Variants in NLRP12 observed in about 807,000 individuals in gnomAD.
The protein encoded by NLRP12 is NACHT, LRR and PYD domains-containing protein 12.
Under a neutral mutation model 91.2 loss-of-function variants are expected in NLRP12, and 108 were observed. The observed-to-expected ratio is 1.18, with a 90% CI of 1.01 to 1.39. The LOEUF (loss-of-function observed/expected upper bound fraction) is 1.39. NLRP12 is among the 40% of genes most tolerant of loss of function. The pLI, the probability that NLRP12 is intolerant of heterozygous loss-of-function variation, is 0.00. For missense variants in NLRP12, 1,530 were observed against 1,352.7 expected (o/e 1.13, Z -2.06); for synonymous variants, 613 against 566.7 (o/e 1.08, Z -1.16).
At chr19:53,806,880 TAAAA>T (rs912617354) in intron 4 of NLRP12, among the ~76,000 whole-genome samples, 6 of 129,560 alleles carry the variant, frequency 4.6e-5, no homozygotes, top group East Asian at 4.7e-4. Flanking sequence ...AAAAAAAAAG[TAAAA>T]AAAAGAAAAA....
rs1288904221 is a variant in NLRP12, at chr19:53,795,099, GGTGTGTGCGTGTGTGTGTGTGT to G, written c.3098+738_3098+759del. Among the ~76,000 whole-genome samples, 540 of 133,510 alleles carry G rather than the reference GGTGTGTGCGTGTGTGTGTGTGT, an allele frequency of 4.0e-3. 3 individuals carry two copies. Among genetic ancestry groups the G allele is most frequent in the Admixed American group, 5.6e-3 (71 of 12,770 alleles). The allele number at this position is 133,510 out of a possible 152,430, so 87.6% of individuals were successfully genotyped here. A position where few individuals can be genotyped will look rare whatever the true frequency, so the allele number is the denominator to read the frequency against. ...ATTAGAGGTGTGTGCCACCATACCTGGTGTGTGCGTGTGTGTGTGTGTGTGTGTGTGTGTGTGTAAAGAAAGC... is the reference window on the plus strand; with the variant it reads ...ATTAGAGGTGTGTGCCACCATACCTGGTGTGTGTGTGTGTGTAAAGAAAGC... On this transcript the variant is annotated intron_variant, in intron 9 of 9. Coordinates refer to ENST00000324134, the MANE Select transcript of NLRP12 (RefSeq NM_144687.4).
At chr19:53,795,337 T>A (rs2091734057) in intron 9 of NLRP12, among the ~76,000 whole-genome samples, 1 of 151,452 alleles carries the variant, frequency 6.6e-6, no homozygotes, top group South Asian at 2.1e-4. Context: ...TGACCTCCAA[T>A]GCAATTGGTG....
intron 4 of NLRP12, among the ~76,000 whole-genome samples, chr19:53,806,262 G>A (rs983131184): frequency 6.6e-6 from 1 of 151,878 alleles, no homozygotes; most frequent in Non-Finnish European, 1.5e-5. Flanking sequence ...AATTTGGCTA[G>A]GCACAGTGGC....
chr19:53,797,631 G>C (rs1397841881), intron 8 of NLRP12, among the ~76,000 whole-genome samples: 2 of 151,810 alleles, frequency 1.3e-5, no homozygotes, highest in Non-Finnish European at 2.9e-5. Context: ...TGGCCAGGCT[G>C]GTCTCGAACT....
intron 1 of NLRP12, among the ~76,000 whole-genome samples, chr19:53,819,348 G>A (rs1321034509): frequency 6.9e-6 from 1 of 145,040 alleles, no homozygotes; most frequent in Non-Finnish European, 1.5e-5. Context: ...GGGTTCAAGT[G>A]ATTCTCCTGC....
At chr19:53,815,094 C>T (rs149499653) in intron 1 of NLRP12, 106 bp from the exon 2 acceptor site, 73 of 850,364 alleles carry the variant, frequency 8.6e-5, no homozygotes, top group African/African-American at 5.8e-4. Context: ...CCTGGTCACC[C>T]GCACCCCAGA....
chr19:53,823,511 A>ATATTTAAAATATATAT (rs376806458), intron 1 of NLRP12, among the ~76,000 whole-genome samples: 1 of 52,850 alleles, frequency 1.9e-5, no homozygotes, highest in Non-Finnish European at 3.7e-5. Context: ...TAAAATATAT[A>ATATTTAAAATATATAT]TTTAAAACAT....
rs763354608 is a variant in NLRP12 at position 53,823,892 on chromosome 19, C to T, written c.283G>A (p.Val95Met). The change falls in exon 1 of 10, where the codon GTG becomes ATG. Residue 95 changes from valine to methionine, a missense_variant. Physicochemically the swap from Val to Met is conservative, Grantham distance 21. Transcript: ENST00000324134. Reference protein sequence around the residue: ...LWERGQREDLVRDTPPGGPSS... With the variant: ...LWERGQREDLMRDTPPGGPSS... ...TGTCCCGCCACCTCCTTACCCCTCACCAGGTCCTCTCTCTGTCCTCTCTCC... is the reference window on the plus strand; with the variant it reads ...TGTCCCGCCACCTCCTTACCCCTCATCAGGTCCTCTCTCTGTCCTCTCTCC... 2 of 1,613,990 alleles carry T rather than the reference C, an allele frequency of 1.2e-6. No homozygotes were observed.
chr19:53,823,745 T>C (rs2092303655), intron 1 of NLRP12, 141 bp downstream of exon 1: 3 of 947,648 alleles, frequency 3.2e-6, no homozygotes, highest in Non-Finnish European at 5.0e-6. Context: ...AGACAGAGCC[T>C]CACTATGTTG....
chr19:53,796,628 C>A (rs1277731105), intron 8 of NLRP12, among the ~76,000 whole-genome samples: 1 of 152,074 alleles, frequency 6.6e-6, no homozygotes, highest in Non-Finnish European at 1.5e-5. Context: ...AAGTGATCCA[C>A]CAACCTTGGC....
chr19:53,797,432 A>ATTATTATTTT (rs2091786026), intron 8 of NLRP12, among the ~76,000 whole-genome samples: 1 of 150,964 alleles, frequency 6.6e-6, no homozygotes, highest in Admixed American at 6.6e-5. Context: ...CTGAATTATT[A>ATTATTATTTT]TTTTTGAGAC....
chr19:53,800,866 C>T (rs934023592), intron 7 of NLRP12, among the ~76,000 whole-genome samples: 1 of 152,000 alleles, frequency 6.6e-6, no homozygotes, highest in African/African-American at 2.4e-5. Context: ...ATTAAGGTGT[C>T]AGCCACCATG....
rs2092072788 is a variant in NLRP12 at position 53,811,319 on chromosome 19, G to C, written c.371-31C>G. ...GGAGAGGAATGAAGGTTTTGTGGAAGACTCATCAGCAGCCTCTAATGAGTT... is the reference window on the plus strand; with the variant it reads ...GGAGAGGAATGAAGGTTTTGTGGAACACTCATCAGCAGCCTCTAATGAGTT... On this transcript the variant is annotated intron_variant, in intron 2 of 9. Coordinates refer to ENST00000324134, the MANE Select transcript of NLRP12 (RefSeq NM_144687.4). 1.9e-6 allele frequency: 3 copies of C among 1,612,956 alleles called. No homozygotes were observed. In the East Asian group the frequency reaches 6.7e-5, roughly 36 times the overall value.
At position 53,823,968 on chromosome 19, in the gene NLRP12, G is replaced by A. The variant is rs745998003; in HGVS notation, c.207C>T (p.Ala69=). Reference sequence around the variant, plus strand: ...CAAAGGTGCTGAGAGCCAACCTCCAGGCCTCCTCTGGCCCGAAGTGGGTGA... The same window carrying A: ...CAAAGGTGCTGAGAGCCAACCTCCAAGCCTCCTCTGGCCCGAAGTGGGTGA... ...LLITHFGPEE[A]WRLALSTFER... The change falls in exon 1 of 10, where the codon GCC becomes GCT. Residue 69 remains alanine (A), a synonymous_variant. Transcript: ENST00000324134. 6.2e-7 allele frequency: 1 copy of A among 1,614,132 alleles called. No homozygotes were observed. Among genetic ancestry groups the A allele is most frequent in the East Asian group, 2.2e-5 (1 of 44,882 alleles).
intron 6 of NLRP12, among the ~76,000 whole-genome samples, chr19:53,802,952 G>C (rs1003851375): frequency 1.3e-5 from 2 of 151,904 alleles, no homozygotes; most frequent in African/African-American, 2.4e-5. Context: ...AGTCTCACTG[G>C]TTCCCAGGCT....
In NLRP12 at chr19:53,810,159, G is replaced by A; in HGVS notation, c.1500C>T (p.Phe500=). Residue 500 remains phenylalanine (F), a synonymous_variant, in exon 3 of 10, where the codon TTC becomes TTT. Transcript: ENST00000324134. Reference sequence around the variant, plus strand: ...ACCTCTCACAGTTGATGTCCTTCTGGAAGATGTTCATGTTGAGGAAGGCAG... The same window carrying A: ...ACCTCTCACAGTTGATGTCCTTCTGAAAGATGTTCATGTTGAGGAAGGCAG... ...DVSAFLNMNI[F]QKDINCERYY... The A allele has an allele frequency of 6.2e-7, 1 of 1,614,156 alleles. No homozygotes were observed.
In NLRP12 at chr19:53,801,290, T is replaced by A; in HGVS notation, c.2693A>T (p.Asp898Val). ...ELDLSLNELG[D>V]LGVLLLCEGL... ...CTCACACAGCAGCAGCACCCCGAGG[T>A]CCCCCAGCTCATTCAGGCTCAGGTC... The change falls in exon 7 of 10, where the codon GAC becomes GTC. Residue 898 changes from aspartate to valine, a missense_variant. Physicochemically the swap from Asp to Val is radical, Grantham distance 152. Transcript: ENST00000324134. 6.2e-7 allele frequency: 1 copy of A among 1,613,392 alleles called. No individual in the cohort carries two copies. The highest frequency in any genetic ancestry group is 1.3e-5 in the African/African-American group (1 of 74,774).
chr19:53,808,047 G>T (rs1283810314), intron 3 of NLRP12: 14 of 353,468 alleles, frequency 4.0e-5, no homozygotes, highest in Admixed American at 1.1e-4. Context: ...ACCACATCCG[G>T]CCAAAGCATG....
At chr19:53,805,477 C>A in intron 4 of NLRP12, 27 bp from the exon 5 acceptor site, 1 of 1,610,178 alleles carries the variant, frequency 6.2e-7, no homozygotes, top group Non-Finnish European at 8.5e-7. Context: ...GAGAAAGGAG[C>A]TGGTCATTTC....
Sources: gnomAD v4.1 joint callset for allele counts (sites outside exome capture counted in the v4.1 genomes callset) on GRCh38, gnomAD v4.1.1 for gene constraint, MANE v1.5 for transcripts, NCBI Gene and HGNC (gene_info 2026-07-23, HGNC 2026-07-21) for gene names.